Variants in HPSE2 observed in about 807,000 individuals in gnomAD.
The protein encoded by HPSE2 is inactive heparanase-2.
In HPSE2, 38 loss-of-function variants were observed where a neutral mutation model predicts 60.5. The observed-to-expected ratio is 0.63, with a 90% CI of 0.48 to 0.82. The LOEUF (loss-of-function observed/expected upper bound fraction) is 0.82, where lower values mean the gene tolerates loss of function less well. Among genes scored for constraint, HPSE2 ranks in the 40% least tolerant of loss-of-function variants. HPSE2 has a pLI of 0.00. For missense variants in HPSE2, 713 were observed against 740.4 expected (o/e 0.96, Z 0.43); for synonymous variants, 295 against 293.2 (o/e 1.01, Z -0.06).
At chr10:98,796,209 C>A (rs1267292454) in intron 3 of HPSE2, among the ~76,000 whole-genome samples, 1 of 152,210 alleles carries the variant, frequency 6.6e-6, no homozygotes, top group Non-Finnish European at 1.5e-5. Flanking sequence ...GGTAAAGCGA[C>A]AAGCAGTTTC....
At chr10:98,857,721 G>A (rs1345473921) in intron 3 of HPSE2, among the ~76,000 whole-genome samples, 1 of 152,010 alleles carries the variant, frequency 6.6e-6, no homozygotes, top group East Asian at 1.9e-4. Flanking sequence ...TAATAATGAA[G>A]TACTAATAAT....
chr10:98,692,798 A>G (rs1362218591), intron 6 of HPSE2, among the ~76,000 whole-genome samples: 1 of 151,938 alleles, frequency 6.6e-6, no homozygotes, highest in African/African-American at 2.4e-5. Flanking sequence ...CAAACTGAAG[A>G]AGAATAAGAA....
chr10:98,929,067 A>T (rs532054547), intron 3 of HPSE2, among the ~76,000 whole-genome samples: 2 of 143,690 alleles, frequency 1.4e-5, no homozygotes, highest in South Asian at 4.2e-4. Flanking sequence ...AAACAAGCTT[A>T]AGCTTTTATT....
chr10:99,220,854 C>CTTTTTT (rs1210143115), intron 2 of HPSE2, among the ~76,000 whole-genome samples: 1 of 88,654 alleles, frequency 1.1e-5, no homozygotes, highest in Non-Finnish European at 2.1e-5. Context: ...GAGGCTTTCA[C>CTTTTTT]TTTTTTTTTT....
At chr10:98,901,799 C>A (rs1039721121) in intron 3 of HPSE2, among the ~76,000 whole-genome samples, 1 of 152,098 alleles carries the variant, frequency 6.6e-6, no homozygotes, top group Non-Finnish European at 1.5e-5. Flanking sequence ...CCTTTGTAGG[C>A]CTATGTTTCC....
intron 5 of HPSE2, among the ~76,000 whole-genome samples, chr10:98,714,932 T>G (rs1267342660): frequency 2.0e-5 from 3 of 151,892 alleles, no homozygotes; most frequent in Non-Finnish European, 4.4e-5. Flanking sequence ...CCCTAACAAC[T>G]AACAATGTTA....
At chr10:98,513,613 T>C (rs1373563855) in intron 9 of HPSE2, among the ~76,000 whole-genome samples, 1 of 152,238 alleles carries the variant, frequency 6.6e-6, no homozygotes, top group Non-Finnish European at 1.5e-5. Flanking sequence ...AGGTAGATGA[T>C]GTTGTCTGGG....
intron 4 of HPSE2, among the ~76,000 whole-genome samples, chr10:98,740,180 C>CT (rs10593031): frequency 2.8e-4 from 37 of 130,286 alleles, no homozygotes; most frequent in African/African-American, 9.6e-4. Flanking sequence ...TTTCTTTTGT[C>CT]TTTTTTTTTT....
chr10:98,863,383 C>T (rs548815232), intron 3 of HPSE2, among the ~76,000 whole-genome samples: 1 of 152,088 alleles, frequency 6.6e-6, no homozygotes, highest in South Asian at 2.1e-4. Context: ...GTGTCTGTGT[C>T]TGTGTGTGAG....
At chr10:98,889,639 T>C (rs1353923411) in intron 3 of HPSE2, among the ~76,000 whole-genome samples, 1 of 152,204 alleles carries the variant, frequency 6.6e-6, no homozygotes, top group East Asian at 1.9e-4. Context: ...CAAAGTGTAT[T>C]GCAAAAGTCA....
intron 3 of HPSE2, among the ~76,000 whole-genome samples, chr10:98,789,343 G>C (rs563907631): frequency 2.0e-5 from 3 of 152,316 alleles, no homozygotes; most frequent in African/African-American, 7.2e-5. Flanking sequence ...GAAATCATAA[G>C]AATGAGTTCC....
intron 3 of HPSE2, among the ~76,000 whole-genome samples, chr10:98,837,873 C>CA (rs71488870): frequency 0.46 from 61,636 of 134,792 alleles, 14,457 homozygotes; most frequent in South Asian, 0.58. Context: ...GACTCCATCT[C>CA]AAAAAAAAAA....
At chr10:98,931,224 G>T (rs1007079940) in intron 3 of HPSE2, among the ~76,000 whole-genome samples, 5 of 143,800 alleles carry the variant, frequency 3.5e-5, no homozygotes, top group Non-Finnish European at 7.4e-5. Context: ...ATTAAATAGG[G>T]CATCTTTTCC....
the HPSE2 span, among the ~76,000 whole-genome samples, chr10:99,290,648 G>C: frequency 6.6e-6 from 1 of 152,168 alleles, no homozygotes; most frequent in Non-Finnish European, 1.5e-5. Flanking sequence ...ATAGTGGGTT[G>C]GGGCACAGAG....
At chr10:99,111,860 T>A (rs1407352304) in intron 3 of HPSE2, among the ~76,000 whole-genome samples, 1 of 152,236 alleles carries the variant, frequency 6.6e-6, no homozygotes, top group African/African-American at 2.4e-5. Context: ...CAGACTCCTA[T>A]TCCTCCAATA....
chr10:98,640,341 G>A (rs1400197664), intron 7 of HPSE2, among the ~76,000 whole-genome samples: 1 of 152,198 alleles, frequency 6.6e-6, no homozygotes, highest in Non-Finnish European at 1.5e-5. Flanking sequence ...TTTGCCTAGT[G>A]GAAGGCAGTG....
the HPSE2 span, among the ~76,000 whole-genome samples, chr10:99,277,077 C>T: frequency 6.6e-6 from 1 of 152,126 alleles, no homozygotes; most frequent in South Asian, 2.1e-4. Context: ...GGGTTTTTAT[C>T]TAATTACAGG....
At chr10:98,670,708 A>G (rs772056007) in intron 6 of HPSE2, among the ~76,000 whole-genome samples, 19 of 152,236 alleles carry the variant, frequency 1.2e-4, no homozygotes, top group Admixed American at 4.6e-4. Context: ...GATGTTATTC[A>G]TAGATTCCAG....
intron 2 of HPSE2, among the ~76,000 whole-genome samples, chr10:99,176,004 T>A (rs1345641505): frequency 1.3e-5 from 2 of 152,070 alleles, no homozygotes; most frequent in African/African-American, 4.8e-5. Flanking sequence ...TCCAGCAAAC[T>A]CCAGCAGACC....
Sources: gnomAD v4.1 joint callset for allele counts (sites outside exome capture counted in the v4.1 genomes callset) on GRCh38, gnomAD v4.1.1 for gene constraint, MANE v1.5 for transcripts, NCBI Gene and HGNC (gene_info 2026-07-23, HGNC 2026-07-21) for gene names.